Variants in STPG2 observed in about 807,000 individuals in gnomAD.
STPG2 encodes the protein sperm tail PG-rich repeat containing 2, also known as sperm-tail PG-rich repeat-containing protein 2.
Under a neutral mutation model 54.2 loss-of-function variants are expected in STPG2, and 56 were observed. That is an observed-to-expected ratio of 1.03 (90% CI 0.83 to 1.29). The LOEUF (loss-of-function observed/expected upper bound fraction) is 1.29, where lower values mean the gene tolerates loss of function less well. Ranked by LOEUF, STPG2 falls within the 50% of genes most tolerant of loss-of-function variation. The probability of loss-of-function intolerance (pLI) is 0.00; values close to 1 mark genes in which losing one functional copy is unlikely to be tolerated. For synonymous variants in STPG2, 200 were observed against 181.8 expected (o/e 1.10, Z -0.81); for missense variants, 596 against 544.9 (o/e 1.09, Z -0.93).
intron 10 of STPG2, among the ~76,000 whole-genome samples, chr4:97,631,784 T>C (rs1316364331): frequency 6.6e-6 from 1 of 152,114 alleles, no homozygotes; most frequent in Non-Finnish European, 1.5e-5. Context: ...CAGAATAAGA[T>C]AAATGGAGCT....
intron 4 of STPG2, among the ~76,000 whole-genome samples, chr4:97,527,745 AC>A (rs1731315380): frequency 6.6e-6 from 1 of 152,138 alleles, no homozygotes; most frequent in South Asian, 2.1e-4. Flanking sequence ...TTCTCTAATG[AC>A]CAGTGATGAT....
chr4:97,668,798 A>G (rs955514573), intron 10 of STPG2, among the ~76,000 whole-genome samples: 4 of 152,176 alleles, frequency 2.6e-5, no homozygotes, highest in African/African-American at 9.7e-5. Flanking sequence ...CAGAGTTTAC[A>G]TTATCAGCGG....
intron 10 of STPG2, among the ~76,000 whole-genome samples, chr4:97,685,248 C>CA (rs1228911500): frequency 6.6e-6 from 1 of 151,938 alleles, no homozygotes; most frequent in Non-Finnish European, 1.5e-5. Flanking sequence ...TTTATATAGA[C>CA]AAAAAACCTG....
chr4:98,054,355 G>A (rs900217455), intron 5 of STPG2, among the ~76,000 whole-genome samples: 1 of 152,078 alleles, frequency 6.6e-6, no homozygotes, highest in Non-Finnish European at 1.5e-5. Flanking sequence ...AAATACAAAT[G>A]AGGACAGTTG....
At chr4:97,449,843 G>A (rs1272397084) in intron 4 of STPG2, among the ~76,000 whole-genome samples, 4 of 152,174 alleles carry the variant, frequency 2.6e-5, no homozygotes, top group Non-Finnish European at 5.9e-5. Context: ...AGAGCACACA[G>A]CCAGGGCAAT....
chr4:98,099,107 G>T (rs554686779), intron 5 of STPG2, among the ~76,000 whole-genome samples: 1 of 151,982 alleles, frequency 6.6e-6, no homozygotes, highest in Non-Finnish European at 1.5e-5. Flanking sequence ...CAACCCCACT[G>T]CTAGGCATAC....
intron 5 of STPG2, among the ~76,000 whole-genome samples, chr4:98,053,698 A>G (rs1210793656): frequency 1.3e-5 from 2 of 152,098 alleles, no homozygotes; most frequent in African/African-American, 4.8e-5. Context: ...AATTGCATTA[A>G]TTGCCTTGAG....
intron 7 of STPG2, among the ~76,000 whole-genome samples, chr4:97,945,106 C>A (rs1733153060): frequency 6.6e-6 from 1 of 152,064 alleles, no homozygotes; most frequent in Non-Finnish European, 1.5e-5. Flanking sequence ...TTTTTCCTTA[C>A]ATGGATGTAT....
intron 9 of STPG2, among the ~76,000 whole-genome samples, chr4:97,795,180 CTTTT>C (rs749821550): frequency 3.3e-5 from 5 of 151,918 alleles, no homozygotes; most frequent in African/African-American, 4.8e-5. Flanking sequence ...TGTGTTTCTA[CTTTT>C]TTTATTAATT....
rs553528769 is a variant in STPG2, at chr4:97,589,932, A to T, written c.1321-30815T>A. 6.6e-5 allele frequency among the ~76,000 whole-genome samples: 10 copies of T among 152,306 alleles called. No individual in the cohort carries two copies. In the East Asian group the frequency reaches 1.9e-3, roughly 29 times the overall value. ...TAGGAGCACTAGGCTATACCATCTA[A>T]GTTTATTAAACCCTCTATGGTGTTT... On this transcript the variant is annotated intron_variant, in intron 10 of 10. Coordinates refer to ENST00000295268, the MANE Select transcript of STPG2 (RefSeq NM_174952.3).
intron 2 of STPG2, among the ~76,000 whole-genome samples, chr4:98,133,466 C>A (rs141412949): frequency 6.6e-6 from 1 of 151,844 alleles, no homozygotes; most frequent in African/African-American, 2.4e-5. Context: ...ACCAAGGAGG[C>A]CTTCTTTTAA....
At chr4:98,035,442 G>A (rs1366046308) in intron 5 of STPG2, among the ~76,000 whole-genome samples, 1 of 151,364 alleles carries the variant, frequency 6.6e-6, no homozygotes, top group Non-Finnish European at 1.5e-5. Context: ...TTAAAAGTCA[G>A]GAAACAGATG....
chr4:97,952,211 T>C (rs1733498605), intron 7 of STPG2, among the ~76,000 whole-genome samples: 1 of 152,122 alleles, frequency 6.6e-6, no homozygotes, highest in Admixed American at 6.5e-5. Context: ...AAAGGTTGTC[T>C]AGGTGCACCC....
chr4:97,537,258 C>A (rs554037105), intron 4 of STPG2, among the ~76,000 whole-genome samples: 1 of 152,138 alleles, frequency 6.6e-6, no homozygotes, highest in Non-Finnish European at 1.5e-5. Context: ...TCACCTCACC[C>A]GGGAAGCACA....
chr4:97,825,568 A>C (rs1409598548), intron 9 of STPG2, among the ~76,000 whole-genome samples: 1 of 152,108 alleles, frequency 6.6e-6, no homozygotes, highest in African/African-American at 2.4e-5. Context: ...TTTACCTCCC[A>C]ACTGTGCCTG....
chr4:97,505,447 TAGAG>T (rs1294221230), intron 4 of STPG2, among the ~76,000 whole-genome samples: 2 of 151,866 alleles, frequency 1.3e-5, no homozygotes, highest in East Asian at 1.9e-4. Context: ...GAAAAATTAA[TAGAG>T]AGAAAAGAGA....
chr4:97,499,628 A>G (rs772004719), intron 4 of STPG2, among the ~76,000 whole-genome samples: 5 of 152,032 alleles, frequency 3.3e-5, no homozygotes, highest in Non-Finnish European at 7.4e-5. Context: ...AAGAAAATTA[A>G]AGGAGAAAAA....
chr4:97,634,519 G>C (rs551713188), intron 10 of STPG2, among the ~76,000 whole-genome samples: 12 of 152,064 alleles, frequency 7.9e-5, no homozygotes, highest in Non-Finnish European at 1.2e-4. Flanking sequence ...AGAGAAGAAG[G>C]CTTCAGACGA....
intron 9 of STPG2, among the ~76,000 whole-genome samples, chr4:97,715,632 G>A (rs774414151): frequency 2.0e-5 from 3 of 151,984 alleles, no homozygotes; most frequent in Non-Finnish European, 4.4e-5. Flanking sequence ...TTTATAATGA[G>A]CTAAAATTAT....
Sources: allele counts gnomAD v4.1 joint callset (sites outside exome capture counted in the v4.1 genomes callset), GRCh38; gene constraint gnomAD v4.1.1; transcripts MANE v1.5; gene names NCBI Gene and HGNC (gene_info 2026-07-23, HGNC 2026-07-21).